Variants in TTC34 observed in about 807,000 individuals in gnomAD.
The protein encoded by TTC34 is tetratricopeptide repeat protein 34.
In TTC34, 44 loss-of-function variants were observed where a neutral mutation model predicts 40.7. The observed-to-expected ratio is 1.08, with a 90% CI of 0.85 to 1.39. The LOEUF (loss-of-function observed/expected upper bound fraction) is 1.39, where lower values mean the gene tolerates loss of function less well. Among genes scored for constraint, TTC34 ranks in the 40% most tolerant of loss-of-function variants. The pLI is 0.00. For missense variants in TTC34, 884 were observed against 838.0 expected (o/e 1.05, Z -0.68); for synonymous variants, 422 against 398.6 (o/e 1.06, Z -0.70).
chr1:2,652,475 G>A (rs1321219724), intron 6 of TTC34, among the ~76,000 whole-genome samples: 1,861 of 88,700 alleles, frequency 0.021, no homozygotes, highest in African/African-American at 0.032. Flanking sequence ...GCCTGGAGCA[G>A]AACCCACACC....
chr1:2,642,041 G>A (rs184425788), intron 8 of TTC34, 146 bp from the exon 9 acceptor site: 6 of 925,318 alleles, frequency 6.5e-6, no homozygotes, highest in East Asian at 5.7e-5. Flanking sequence ...GGAGCTGCCC[G>A]CTGCTTCTGG....
In TTC34 at chr1:2,751,449, C is replaced by G. The variant is rs1386507631; in HGVS notation, c.2226+32160G>C. 6.6e-5 allele frequency among the ~76,000 whole-genome samples: 8 copies of G among 121,472 alleles called. 3 individuals are homozygous for G. The highest frequency in any genetic ancestry group is 2.8e-4 in the African/African-American group (8 of 28,662). The allele number at this position is 121,472 out of a possible 152,430, so 79.7% of individuals were successfully genotyped here. A position where few individuals can be genotyped will look rare whatever the true frequency, so the allele number is the denominator to read the frequency against. Reference sequence around the variant, plus strand: ...ACAGCCTGGAACAGAGCCCAGACCCCCAGGTGAGCATCTGACAGACTGGAA... The same window carrying G: ...ACAGCCTGGAACAGAGCCCAGACCCGCAGGTGAGCATCTGACAGACTGGAA... On this transcript the variant is annotated intron_variant, in intron 6 of 8. Transcript: ENST00000401095.
At chr1:2,751,403 A>G (rs1641314463) in intron 6 of TTC34, among the ~76,000 whole-genome samples, 1 of 143,210 alleles carries the variant, frequency 7.0e-6, no homozygotes, top group African/African-American at 2.7e-5. Context: ...AGCAGCACCC[A>G]CACACACAGG....
chr1:2,687,080 A>G (rs1424761722), intron 6 of TTC34, among the ~76,000 whole-genome samples: 1 of 140,446 alleles, frequency 7.1e-6, no homozygotes, highest in Non-Finnish European at 1.5e-5. Context: ...AGCAGGACCC[A>G]CACCCCCAGG....
intron 6 of TTC34, among the ~76,000 whole-genome samples, chr1:2,655,966 C>T (rs1259225926): frequency 1.1e-4 from 17 of 150,448 alleles, no homozygotes; most frequent in Admixed American, 4.6e-4. Context: ...CCAGGAGCAG[C>T]ACCCACACCC....
At chr1:2,768,553 T>A (rs1433899404) in intron 6 of TTC34, among the ~76,000 whole-genome samples, 4 of 151,722 alleles carry the variant, frequency 2.6e-5, no homozygotes, top group Non-Finnish European at 5.9e-5. Flanking sequence ...CAGGTGAGCA[T>A]CTGATAGCCT....
intron 6 of TTC34, among the ~76,000 whole-genome samples, chr1:2,652,016 C>A (rs12738064): frequency 2.5e-5 from 2 of 78,976 alleles, no homozygotes; most frequent in African/African-American, 4.6e-5. Flanking sequence ...CAGGTGAGCA[C>A]CTGACATCGT....
intron 6 of TTC34, among the ~76,000 whole-genome samples, chr1:2,772,990 A>C (rs1569841781): frequency 1.3e-5 from 2 of 150,330 alleles, no homozygotes; most frequent in Admixed American, 6.6e-5. Flanking sequence ...CCAGGCGAGC[A>C]TCTGACAGCC....
intron 2 of TTC34, among the ~76,000 whole-genome samples, chr1:2,792,361 C>G (rs1407775247): frequency 6.6e-6 from 1 of 152,116 alleles, no homozygotes; most frequent in Non-Finnish European, 1.5e-5. Flanking sequence ...ATCGTTAGGT[C>G]CACATTTTCC....
At chr1:2,656,397 C>CCTGG (rs1639348310) in intron 6 of TTC34, among the ~76,000 whole-genome samples, 1 of 4,256 alleles carries the variant, frequency 2.3e-4, no homozygotes, top group Admixed American at 3.4e-3. Context: ...CATCTGACAG[C>CCTGG]ATGTAACAGC....
chr1:2,651,859 G>A (rs1305172508), intron 6 of TTC34, among the ~76,000 whole-genome samples: 2 of 151,864 alleles, frequency 1.3e-5, no homozygotes, highest in African/African-American at 4.8e-5. Flanking sequence ...GTGAGCCTCT[G>A]ATGGACTCAA....
chr1:2,785,806 G>A lies in TTC34; in HGVS notation c.2059+13C>T, dbSNP rs139659314. 6.5e-7 allele frequency: 1 copy of A among 1,542,354 alleles called. No individual in the cohort carries two copies. Among genetic ancestry groups the A allele is most frequent in the Non-Finnish European group, 8.7e-7 (1 of 1,143,056 alleles). ...ACAAGACTGGGCCCTGGGGGCAGGT[G>A]GGCAGCTCCTACCTGCGGCAAAGAT... On this transcript the variant is annotated intron_variant, in intron 5 of 8. Coordinates refer to ENST00000401095, the Ensembl canonical transcript of TTC34.
chr1:2,683,550 C>G (rs1448816973), intron 6 of TTC34, among the ~76,000 whole-genome samples: 3 of 143,068 alleles, frequency 2.1e-5, no homozygotes, highest in African/African-American at 8.0e-5. Context: ...GCAGCACCCA[C>G]AACCACAGGT....
intron 6 of TTC34, among the ~76,000 whole-genome samples, chr1:2,687,471 G>T (rs1472220714): frequency 3.4e-5 from 5 of 147,342 alleles, no homozygotes; most frequent in African/African-American, 1.1e-4. Flanking sequence ...CGACAGCCTG[G>T]AACAGCACCC....
At chr1:2,686,198 C>T (rs1391726429) in intron 6 of TTC34, among the ~76,000 whole-genome samples, 1 of 144,178 alleles carries the variant, frequency 6.9e-6, no homozygotes, top group African/African-American at 2.7e-5. Context: ...GCAGCGCCCA[C>T]ACCCCCAGGC....
At chr1:2,757,853 T>C (rs1260068154) in intron 6 of TTC34, among the ~76,000 whole-genome samples, 30 of 122,228 alleles carry the variant, frequency 2.5e-4, no homozygotes, top group African/African-American at 4.8e-4. Flanking sequence ...CATCTGATGG[T>C]CTGGAGCAGC....
intron 6 of TTC34, among the ~76,000 whole-genome samples, chr1:2,778,602 C>T (rs753762351): frequency 1.3e-5 from 2 of 152,194 alleles, no homozygotes; most frequent in African/African-American, 4.8e-5. Context: ...TGCATTCACC[C>T]GAGGTTGATG....
chr1:2,691,916 C>A lies in TTC34; in HGVS notation c.2227-46353G>T, dbSNP rs1278980505. On this transcript the variant is annotated intron_variant, in intron 6 of 8. Transcript: ENST00000401095. ...GCAGCAACCTGCACACCCAGGTGAGCATCTGACAGTCTGGAACACCACGCA... is the reference window on the plus strand; with the variant it reads ...GCAGCAACCTGCACACCCAGGTGAGAATCTGACAGTCTGGAACACCACGCA... Among the ~76,000 whole-genome samples, 4 of 75,090 alleles carry A rather than the reference C, an allele frequency of 5.3e-5. 1 individual carries two copies. Among genetic ancestry groups the A allele is most frequent in the Admixed American group, 4.5e-4 (3 of 6,688 alleles). 49.3% of individuals were successfully genotyped at this position (75,090 alleles called of 152,430 possible).
At chr1:2,785,579 ACAGCTCAGGTCC>A (rs1039724943) in intron 5 of TTC34, among the ~76,000 whole-genome samples, 6 of 152,168 alleles carry the variant, frequency 3.9e-5, no homozygotes, top group Non-Finnish European at 5.9e-5. Flanking sequence ...CAGGCAGGGC[ACAGCTCAGGTCC>A]CAGCTCAGGC....
Sources: gnomAD v4.1 joint callset for allele counts (sites outside exome capture counted in the v4.1 genomes callset) on GRCh38, gnomAD v4.1.1 for gene constraint, MANE v1.5 for transcripts, NCBI Gene and HGNC (gene_info 2026-07-23, HGNC 2026-07-21) for gene names.